The following L3MBTL4 variants were observed in gnomAD, a reference collection of about 807,000 sequenced individuals.
L3MBTL4 encodes the protein lethal(3)malignant brain tumor-like protein 4.
Under a neutral mutation model 84.5 loss-of-function variants are expected in L3MBTL4, and 70 were observed. That is an observed-to-expected ratio of 0.83 (90% CI 0.68 to 1.01). The LOEUF is 1.01. Among genes scored for constraint, L3MBTL4 ranks in the 50% least tolerant of loss-of-function variants. The pLI is 0.00. For synonymous variants in L3MBTL4, 274 were observed against 259.8 expected, an observed-to-expected ratio of 1.05 and a Z score of -0.52; for missense variants, 715 against 754.8, an observed-to-expected ratio of 0.95 and a Z score of 0.62.
intron 1 of L3MBTL4, among the ~76,000 whole-genome samples, chr18:6,403,468 A>T (rs1359424896): frequency 6.6e-6 from 1 of 152,258 alleles, no homozygotes; most frequent in African/African-American, 2.4e-5. Flanking sequence ...ATTGGATACA[A>T]TCTATATATT....
At chr18:6,352,703 C>T (rs973023750) in intron 1 of L3MBTL4, among the ~76,000 whole-genome samples, 2 of 152,062 alleles carry the variant, frequency 1.3e-5, no homozygotes, top group South Asian at 2.1e-4. Flanking sequence ...CAGGAAAATG[C>T]AAAGGGATGC....
At chr18:6,356,789 T>A (rs1174946005) in intron 1 of L3MBTL4, 2 of 152,228 alleles carry the variant, frequency 1.3e-5, no homozygotes, top group African/African-American at 4.8e-5. Flanking sequence ...GTAGACTTTA[T>A]GAACACTGTA....
At chr18:5,993,969 C>CA (rs1292381039) in intron 16 of L3MBTL4, among the ~76,000 whole-genome samples, 2 of 152,188 alleles carry the variant, frequency 1.3e-5, no homozygotes, top group Non-Finnish European at 2.9e-5. Context: ...GCCAGGGGTT[C>CA]AAAGGAACAA....
intron 13 of L3MBTL4, among the ~76,000 whole-genome samples, chr18:6,150,570 A>T (rs1023070184): frequency 7.2e-5 from 11 of 152,334 alleles, no homozygotes; most frequent in Admixed American, 7.2e-4. Context: ...ACTTGGCAGA[A>T]CTGCCAAGTT....
chr18:6,086,265 C>T (rs903273627), intron 15 of L3MBTL4, among the ~76,000 whole-genome samples: 1 of 152,192 alleles, frequency 6.6e-6, no homozygotes, highest in Non-Finnish European at 1.5e-5. Context: ...TGCGGGAACA[C>T]TAATATTTCC....
chr18:6,331,252 TA>T (rs2052017528), intron 1 of L3MBTL4, among the ~76,000 whole-genome samples: 1 of 152,202 alleles, frequency 6.6e-6, no homozygotes, highest in Non-Finnish European at 1.5e-5. Flanking sequence ...TAATGACTAA[TA>T]AACCTTCACT....
intron 12 of L3MBTL4, among the ~76,000 whole-genome samples, chr18:6,192,325 A>C (rs1232474353): frequency 6.6e-6 from 1 of 152,220 alleles, no homozygotes; most frequent in Non-Finnish European, 1.5e-5. Flanking sequence ...AAGGATAAGG[A>C]AGAGCAGTGA....
intron 10 of L3MBTL4, among the ~76,000 whole-genome samples, chr18:6,226,791 C>G (rs1225967053): frequency 6.6e-6 from 1 of 151,664 alleles, no homozygotes; most frequent in African/African-American, 2.4e-5. Flanking sequence ...TTAAATAATA[C>G]CCAATAAAAT....
rs1417504853 is a variant in L3MBTL4 at position 6,144,212 on chromosome 18, A to AG, written c.1097-5917_1097-5916insC. ...CTCCATCTCCAAAAAAAAAAAAAAA[A>AG]AAAAAAAAGACAGCAACAATTAATA... On this transcript the variant is annotated intron_variant, in intron 13 of 18. Coordinates refer to ENST00000317931, the MANE Select transcript of L3MBTL4 (RefSeq NM_001330559.2). 4.1e-3 allele frequency among the ~76,000 whole-genome samples: 609 copies of AG among 150,104 alleles called. 23 individuals carry two copies. Among genetic ancestry groups the AG allele is most frequent in the Admixed American group, 0.034 (517 of 15,022 alleles).
chr18:6,047,355 T>A (rs1235587976), intron 16 of L3MBTL4, among the ~76,000 whole-genome samples: 1 of 151,800 alleles, frequency 6.6e-6, no homozygotes, highest in Non-Finnish European at 1.5e-5. Flanking sequence ...CAGAAGCAAT[T>A]CCAAAAAATT....
intron 1 of L3MBTL4, among the ~76,000 whole-genome samples, chr18:6,385,929 T>C (rs2054798283): frequency 6.6e-6 from 1 of 152,170 alleles, no homozygotes; most frequent in African/African-American, 2.4e-5. Flanking sequence ...TAGATAAAGG[T>C]ATAAATATCA....
intron 12 of L3MBTL4, among the ~76,000 whole-genome samples, chr18:6,174,249 A>C (rs547927637): frequency 2.0e-5 from 3 of 152,148 alleles, no homozygotes; most frequent in Non-Finnish European, 2.9e-5. Flanking sequence ...AGCCATACTC[A>C]ATTTGTGAAG....
rs185971406 is a variant in L3MBTL4 at position 6,169,246 on chromosome 18, T to A, written c.1096+2582A>T. Among the ~76,000 whole-genome samples, 13 of 152,310 alleles carry A rather than the reference T, an allele frequency of 8.5e-5. 1 individual carries two copies. The East Asian group carries it at 2.5e-3, about 29-fold the overall frequency. Reference sequence around the variant, plus strand: ...ACTGTTGGTGGGACTGTAAACTAGTTCAACCATTGTGGAAGACAGGGTGGC... The same window carrying A: ...ACTGTTGGTGGGACTGTAAACTAGTACAACCATTGTGGAAGACAGGGTGGC... On this transcript the variant is annotated intron_variant, in intron 13 of 18. Coordinates refer to ENST00000317931, the MANE Select transcript of L3MBTL4 (RefSeq NM_001330559.2).
At chr18:6,288,539 C>G (rs1448118548) in intron 4 of L3MBTL4, among the ~76,000 whole-genome samples, 1 of 151,914 alleles carries the variant, frequency 6.6e-6, no homozygotes, top group African/African-American at 2.4e-5. Flanking sequence ...ACCTATGAAC[C>G]CAGCCTAAAA....
chr18:6,020,255 G>T (rs1174494768), intron 16 of L3MBTL4, among the ~76,000 whole-genome samples: 2 of 152,106 alleles, frequency 1.3e-5, no homozygotes, highest in Non-Finnish European at 2.9e-5. Context: ...GAGACGTCCA[G>T]GCTGAGGTGA....
chr18:6,390,918 C>A (rs1489639924), intron 1 of L3MBTL4, among the ~76,000 whole-genome samples: 4 of 152,088 alleles, frequency 2.6e-5, no homozygotes, highest in Admixed American at 2.0e-4. Flanking sequence ...AACAACTGGT[C>A]CCAATCCTAC....
intron 14 of L3MBTL4, among the ~76,000 whole-genome samples, chr18:6,129,672 G>GAGTGAT (rs1339102292): frequency 2.0e-5 from 3 of 152,122 alleles, no homozygotes; most frequent in Admixed American, 6.5e-5. Flanking sequence ...TTAAGTGCTA[G>GAGTGAT]AGTGATAGTT....
At chr18:5,983,112 C>T (rs1168814294) in intron 16 of L3MBTL4, among the ~76,000 whole-genome samples, 4 of 152,224 alleles carry the variant, frequency 2.6e-5, no homozygotes, top group Admixed American at 6.5e-5. Context: ...CGAGGAAACA[C>T]AGTCTTGTAA....
At chr18:6,364,756 A>G in intron 1 of L3MBTL4, among the ~76,000 whole-genome samples, 1 of 152,156 alleles carries the variant, frequency 6.6e-6, no homozygotes, top group East Asian at 1.9e-4. Flanking sequence ...TGTATCTATC[A>G]TATATACTTT....
Sources: gnomAD v4.1 joint callset for allele counts (sites outside exome capture counted in the v4.1 genomes callset) on GRCh38, gnomAD v4.1.1 for gene constraint, MANE v1.5 for transcripts, NCBI Gene and HGNC (gene_info 2026-07-23, HGNC 2026-07-21) for gene names.